Variants in TENM2 observed in about 807,000 individuals in gnomAD.
The protein encoded by TENM2 is teneurin-2.
A neutral mutation model predicts 245.2 loss-of-function variants in TENM2; 52 were observed. The ratio of observed to expected loss-of-function variants is 0.21; its 90% CI spans 0.17 to 0.27. The LOEUF (loss-of-function observed/expected upper bound fraction) is 0.27, where lower values mean the gene tolerates loss of function less well. Among genes scored for constraint, TENM2 ranks in the 10% least tolerant of loss-of-function variants. TENM2 has a pLI of 1.00. For synonymous variants in TENM2, 1,363 were observed against 1,438.9 expected, an observed-to-expected ratio of 0.95 and a Z score of 1.19; for missense variants, 3,046 against 3,666.8, an observed-to-expected ratio of 0.83 and a Z score of 4.37.
At chr5:167,264,067 T>G in the TENM2 span, among the ~76,000 whole-genome samples, 1 of 149,138 alleles carries the variant, frequency 6.7e-6, no homozygotes, top group African/African-American at 2.5e-5. Context: ...ATCATGCCAC[T>G]GCACTCTAGC....
At chr5:168,152,211 T>C (rs1756714008) in intron 12 of TENM2, among the ~76,000 whole-genome samples, 1 of 152,234 alleles carries the variant, frequency 6.6e-6, no homozygotes, top group Admixed American at 6.5e-5. Context: ...CAGAGAAATG[T>C]CCCTGTGAGG....
intron 4 of TENM2, among the ~76,000 whole-genome samples, chr5:167,957,983 A>G (rs530145754): frequency 4.6e-5 from 7 of 152,312 alleles, no homozygotes; most frequent in African/African-American, 1.2e-4. Context: ...GCAGATGTCT[A>G]TTAGGTCCAC....
intron 2 of TENM2, among the ~76,000 whole-genome samples, chr5:167,490,834 A>G (rs1051240042): frequency 8.5e-5 from 13 of 152,172 alleles, no homozygotes; most frequent in Non-Finnish European, 7.4e-5. Flanking sequence ...TTAACTGTCA[A>G]TGGTAATGAA....
At chr5:167,146,448 G>A in the TENM2 span, among the ~76,000 whole-genome samples, 1 of 152,122 alleles carries the variant, frequency 6.6e-6, no homozygotes, top group Non-Finnish European at 1.5e-5. Context: ...CGCAGGTTCG[G>A]TTCTTAACGG....
chr5:167,649,528 C>T (rs72819701), intron 2 of TENM2, among the ~76,000 whole-genome samples: 1 of 152,136 alleles, frequency 6.6e-6, no homozygotes, highest in South Asian at 2.1e-4. Flanking sequence ...GAAAAACACA[C>T]ACACACACAG....
intron 2 of TENM2, among the ~76,000 whole-genome samples, chr5:167,590,700 CTT>C (rs1174921296): frequency 6.6e-6 from 1 of 151,936 alleles, no homozygotes; most frequent in Non-Finnish European, 1.5e-5. Flanking sequence ...ACTTGAGTCT[CTT>C]TAATTTGGTA....
chr5:167,952,842 TCA>T lies in TENM2; in HGVS notation c.947+23_947+24del, dbSNP rs1780228442. ...GACCCGGTAAGTCCCCATCGCCAGC[TCA>T]CAGTCACACTCAGTGTCACCTTACC... On this transcript the variant is annotated intron_variant, in intron 4 of 28. Coordinates refer to ENST00000518659, the Ensembl canonical transcript of TENM2. 6.5e-7 allele frequency: 1 copy of T among 1,544,174 alleles called. No individual in the cohort carries two copies. The highest frequency in any genetic ancestry group is 2.0e-5 in the Admixed American group (1 of 50,984).
chr5:167,974,662 A>G (rs1460614432), intron 4 of TENM2, among the ~76,000 whole-genome samples: 1 of 152,224 alleles, frequency 6.6e-6, no homozygotes, highest in Non-Finnish European at 1.5e-5. Flanking sequence ...TGAGGAAACG[A>G]AGATGTAATA....
chr5:167,284,279 A>C (rs888249533), upstream of TENM2, among the ~76,000 whole-genome samples: 4 of 152,244 alleles, frequency 2.6e-5, no homozygotes, highest in Non-Finnish European at 4.4e-5. Context: ...ACTACAAAGT[A>C]TTAATAGCAC....
At chr5:167,699,055 A>G (rs1300544244) in intron 2 of TENM2, among the ~76,000 whole-genome samples, 1 of 152,148 alleles carries the variant, frequency 6.6e-6, no homozygotes, top group Non-Finnish European at 1.5e-5. Context: ...AATTAATTCT[A>G]CAGTTAGCTA....
the TENM2 span, among the ~76,000 whole-genome samples, chr5:167,108,092 A>G: frequency 6.6e-6 from 1 of 152,038 alleles, no homozygotes; most frequent in South Asian, 2.1e-4. Flanking sequence ...ATCCATACAC[A>G]TTATTTCTCT....
At chr5:167,461,276 T>C (rs1428602867) in intron 2 of TENM2, among the ~76,000 whole-genome samples, 6 of 152,012 alleles carry the variant, frequency 3.9e-5, no homozygotes, top group Non-Finnish European at 8.8e-5. Context: ...AGGGATACAA[T>C]TGCTCTTTTC....
chr5:167,037,867 G>A, the TENM2 span, among the ~76,000 whole-genome samples: 3 of 152,168 alleles, frequency 2.0e-5, no homozygotes, highest in African/African-American at 7.2e-5. Context: ...GGCACAGAGG[G>A]TTCAAGACCC....
At chr5:167,192,929 G>T in the TENM2 span, among the ~76,000 whole-genome samples, 3 of 152,034 alleles carry the variant, frequency 2.0e-5, no homozygotes, top group Non-Finnish European at 4.4e-5. Flanking sequence ...ACACACAAAG[G>T]ATGTAAGGAG....
chr5:167,755,992 A>T (rs968384416), intron 2 of TENM2, among the ~76,000 whole-genome samples: 1 of 152,066 alleles, frequency 6.6e-6, no homozygotes, highest in African/African-American at 2.4e-5. Flanking sequence ...AGTTGCTCTC[A>T]TTTTATTAGG....
intron 7 of TENM2, among the ~76,000 whole-genome samples, chr5:168,082,257 C>T (rs1792070914): frequency 6.6e-6 from 1 of 152,174 alleles, no homozygotes; most frequent in Non-Finnish European, 1.5e-5. Flanking sequence ...TCACGTAGTT[C>T]TCGTGCCATG....
At chr5:167,260,957 C>T in the TENM2 span, among the ~76,000 whole-genome samples, 2 of 152,150 alleles carry the variant, frequency 1.3e-5, no homozygotes, top group African/African-American at 4.8e-5. Context: ...TTTAAATCCT[C>T]ATAAGATCTC....
chr5:167,175,090 A>G, the TENM2 span, among the ~76,000 whole-genome samples: 2 of 152,118 alleles, frequency 1.3e-5, no homozygotes, highest in Non-Finnish European at 2.9e-5. Flanking sequence ...ACAGGCATTG[A>G]CGTCGTTTCT....
chr5:167,230,629 C>T, the TENM2 span, among the ~76,000 whole-genome samples: 1 of 152,072 alleles, frequency 6.6e-6, no homozygotes, highest in East Asian at 1.9e-4. Flanking sequence ...TGGATTTTAT[C>T]CCCCCAAATT....
Sources: gnomAD v4.1 joint callset for allele counts (sites outside exome capture counted in the v4.1 genomes callset) on GRCh38, gnomAD v4.1.1 for gene constraint, MANE v1.5 for transcripts, NCBI Gene and HGNC (gene_info 2026-07-23, HGNC 2026-07-21) for gene names.